ADIPOR2: variants seen among roughly 807,000 people sequenced by gnomAD.
The protein encoded by ADIPOR2 is adiponectin receptor 2.
Under a neutral mutation model 40.9 loss-of-function variants are expected in ADIPOR2, and 18 were observed. That is an observed-to-expected ratio of 0.44 (90% CI 0.30 to 0.65). The LOEUF is 0.65. Ranked by LOEUF, ADIPOR2 falls within the 30% of genes least tolerant of loss-of-function variation. ADIPOR2 has a pLI of 0.09. For synonymous variants in ADIPOR2, 165 were observed against 166.4 expected, an observed-to-expected ratio of 0.99 and a Z score of 0.06; for missense variants, 283 against 479.2, an observed-to-expected ratio of 0.59 and a Z score of 3.82.
chr12:1,699,317 C>G (rs1321027001), intron 1 of ADIPOR2, among the ~76,000 whole-genome samples: 1 of 152,122 alleles, frequency 6.6e-6, no homozygotes, highest in Non-Finnish European at 1.5e-5. Flanking sequence ...GAAATACAAA[C>G]TTGAAAAACT....
intron 2 of ADIPOR2, among the ~76,000 whole-genome samples, chr12:1,759,225 T>C (rs1055448933): frequency 3.3e-5 from 5 of 152,382 alleles, no homozygotes; most frequent in Admixed American, 3.3e-4. Flanking sequence ...TCTGTTTATT[T>C]TGAAAGCAAA....
Position 1,786,029 on chromosome 12 carries a change from G to A in ADIPOR2, c.1118G>A (p.Arg373His), listed in dbSNP as rs754002919. 3 of 1,613,884 alleles carry A rather than the reference G, an allele frequency of 1.9e-6. No individual in the cohort carries two copies. The highest frequency in any genetic ancestry group is 2.7e-5 in the African/African-American group (2 of 74,842). ...FHGVSNLQEF[R>H]FMIGGGCSEE... ...GGTGTCTCAAACCTCCAGGAGTTTCGTTTCATGATCGGCGGGGGCTGCAGT... is the reference window on the plus strand; with the variant it reads ...GGTGTCTCAAACCTCCAGGAGTTTCATTTCATGATCGGCGGGGGCTGCAGT... The change falls in exon 8 of 8, where the codon CGT becomes CAT. Residue 373 changes from arginine to histidine, a missense_variant. Transcript: ENST00000357103.
At chr12:1,759,842 T>C (rs904405726) in intron 2 of ADIPOR2, among the ~76,000 whole-genome samples, 1 of 152,112 alleles carries the variant, frequency 6.6e-6, no homozygotes, top group African/African-American at 2.4e-5. Context: ...GTGTCCATCA[T>C]GCTGAAACCC....
rs373789695 is a variant in ADIPOR2 at position 1,780,669 on chromosome 12, A to G, written c.650+32A>G. On this transcript the variant is annotated intron_variant, in intron 5 of 7. Transcript: ENST00000357103. ...ATCTGTAAAGTCCGTATTTTGGCCA[A>G]TGATTTAGAGGTAGTGCGTTAGGGA... The G allele has an allele frequency of 6.8e-5, 104 of 1,520,422 alleles. No individual in the cohort carries two copies. The African/African-American group carries it at 1.3e-3, about 19-fold the overall frequency. 94.2% of individuals were successfully genotyped at this position (1,520,422 alleles called of 1,614,324 possible).
At chr12:1,767,101 C>G (rs939950725) in intron 2 of ADIPOR2, among the ~76,000 whole-genome samples, 4 of 151,844 alleles carry the variant, frequency 2.6e-5, no homozygotes, top group Non-Finnish European at 5.9e-5. Flanking sequence ...GAAACCCCGT[C>G]TCTACTAAAA....
At chr12:1,778,839 G>A (rs1862654945) in intron 4 of ADIPOR2, among the ~76,000 whole-genome samples, 3 of 152,116 alleles carry the variant, frequency 2.0e-5, no homozygotes, top group Admixed American at 6.6e-5. Flanking sequence ...AAAGACAACC[G>A]ATTTTAAAAA....
At chr12:1,693,094 G>A (rs2094630515) in intron 1 of ADIPOR2, among the ~76,000 whole-genome samples, 1 of 152,128 alleles carries the variant, frequency 6.6e-6, no homozygotes, top group African/African-American at 2.4e-5. Flanking sequence ...GGTAGAGGTT[G>A]CAGTGAGCCA....
intron 1 of ADIPOR2, among the ~76,000 whole-genome samples, chr12:1,701,125 ATCT>A (rs2094649357): frequency 8.1e-6 from 1 of 124,006 alleles, no homozygotes; most frequent in Non-Finnish European, 1.7e-5. Context: ...TATGGTGTTG[ATCT>A]TTTTTTTTTT....
intron 3 of ADIPOR2, among the ~76,000 whole-genome samples, chr12:1,774,865 CGGCT>C (rs1862556345): frequency 6.6e-6 from 1 of 151,528 alleles, no homozygotes; most frequent in Admixed American, 6.6e-5. Context: ...CCACCATGCC[CGGCT>C]AATTTTTGTA....
intron 1 of ADIPOR2, among the ~76,000 whole-genome samples, chr12:1,713,974 T>G (rs1413283742): frequency 6.6e-6 from 1 of 151,992 alleles, no homozygotes; most frequent in Non-Finnish European, 1.5e-5. Flanking sequence ...TCAGTGAGGG[T>G]GATGACATGA....
At chr12:1,761,249 G>C (rs1295980059) in intron 2 of ADIPOR2, among the ~76,000 whole-genome samples, 1 of 152,120 alleles carries the variant, frequency 6.6e-6, no homozygotes, top group East Asian at 1.9e-4. Flanking sequence ...CTGTACTATA[G>C]TTTATCCAAT....
At position 1,786,282 on chromosome 12, in the gene ADIPOR2, G is replaced by A. The variant is rs1275896036; in HGVS notation, c.*210G>A. The A allele has an allele frequency of 3.6e-6, 2 of 557,916 alleles. No individual in the cohort carries two copies. The highest frequency in any genetic ancestry group is 6.4e-5 in the East Asian group (2 of 31,384). The allele number at this position is 557,916 out of a possible 1,614,324, so 34.6% of individuals were successfully genotyped here. On this transcript the variant is annotated 3_prime_UTR_variant, in exon 8 of 8. Coordinates refer to ENST00000357103, the MANE Select transcript of ADIPOR2 (RefSeq NM_024551.3). ...CCTCAAAGGATGGAGTGCATCAATTGGGAGAAAAGGAGACATAGCCCAAAC... is the reference window on the plus strand; with the variant it reads ...CCTCAAAGGATGGAGTGCATCAATTAGGAGAAAAGGAGACATAGCCCAAAC...
chr12:1,752,591 G>T (rs1862019074), intron 1 of ADIPOR2, among the ~76,000 whole-genome samples: 1 of 152,152 alleles, frequency 6.6e-6, no homozygotes, highest in African/African-American at 2.4e-5. Context: ...ATGAGGTTCA[G>T]AAACTGGGTA....
chr12:1,748,292 A>T (rs111738359), intron 1 of ADIPOR2, among the ~76,000 whole-genome samples: 3 of 152,024 alleles, frequency 2.0e-5, no homozygotes, highest in Admixed American at 2.0e-4. Flanking sequence ...TCTGTCGCCC[A>T]GGCTGGAGTG....
At chr12:1,777,820 A>G (rs1004314662) in intron 3 of ADIPOR2, 34 bp from the exon 4 acceptor site, 19 of 1,588,040 alleles carry the variant, frequency 1.2e-5, no homozygotes, top group Non-Finnish European at 1.5e-5. Context: ...GACAACTAAA[A>G]TCACAAAGAT....
chr12:1,757,811 A>G, intron 2 of ADIPOR2: 1 of 857,520 alleles, frequency 1.2e-6, no homozygotes, highest in Non-Finnish European at 2.0e-6. Context: ...ATCTTAATGA[A>G]CCTCTGCATG....
intron 1 of ADIPOR2, among the ~76,000 whole-genome samples, chr12:1,735,895 G>A (rs1280527479): frequency 2.0e-5 from 3 of 152,148 alleles, no homozygotes; most frequent in Non-Finnish European, 2.9e-5. Context: ...GCTGGATTAC[G>A]TTTATTGATT....
chr12:1,710,104 GC>G (rs928313530), intron 1 of ADIPOR2, among the ~76,000 whole-genome samples: 3 of 152,220 alleles, frequency 2.0e-5, no homozygotes, highest in Non-Finnish European at 4.4e-5. Flanking sequence ...TCTGTGGCTA[GC>G]TAGAGGTTTG....
chr12:1,784,044 C>T lies in ADIPOR2; in HGVS notation c.1003C>T (p.Arg335Cys), dbSNP rs1329828704. 2.2e-5 allele frequency: 35 copies of T among 1,600,184 alleles called. No individual in the cohort carries two copies. The highest frequency in any genetic ancestry group is 2.8e-5 in the Non-Finnish European group (33 of 1,172,122). Residue 335 changes from arginine (R) to cysteine (C), a missense_variant, in exon 7 of 8, where the codon CGC becomes TGC. Physicochemically the swap from Arg to Cys is radical, Grantham distance 180. Around this residue, in one of 3 missense-constraint regions of ADIPOR2, gnomAD observed 106 missense variants for 149.7 expected, o/e 0.71. Transcript: ENST00000357103. ...AALYAARIPERFFPGKCDIWF... is the reference protein window; with the variant it reads ...AALYAARIPECFFPGKCDIWF... ...CCTGTATGCTGCCCGGATCCCCGAA[C>T]GCTTTTTCCCTGGCAAATGTGACAT...
Sources: allele counts gnomAD v4.1 joint callset (sites outside exome capture counted in the v4.1 genomes callset), GRCh38; gene constraint gnomAD v4.1.1; regional missense constraint gnomAD v4.1.1; transcripts MANE v1.5; gene names NCBI Gene and HGNC (gene_info 2026-07-23, HGNC 2026-07-21).